CENPM: variants seen among roughly 807,000 people sequenced by gnomAD.
CENPM encodes the protein interphase centromere complex protein 39.
A neutral mutation model predicts 19.6 loss-of-function variants in CENPM; 14 were observed. That is an observed-to-expected ratio of 0.71 (90% CI 0.47 to 1.11). The LOEUF (loss-of-function observed/expected upper bound fraction) is 1.11. Among genes scored for constraint, CENPM ranks in the 50% most tolerant of loss-of-function variants. The pLI is 0.00. For synonymous variants in CENPM, 114 were observed against 101.5 expected, an observed-to-expected ratio of 1.12 and a Z score of -0.74; for missense variants, 239 against 228.4, an observed-to-expected ratio of 1.05 and a Z score of -0.30.
intron 3 of CENPM, 36 bp from the exon 4 acceptor site, chr22:41,945,340 G>C (rs2077787451): frequency 2.5e-6 from 4 of 1,613,100 alleles, no homozygotes; most frequent in Non-Finnish European, 3.4e-6. Context: ...AAACAAACCA[G>C]AGAACAAAAC....
At chr22:41,944,031 G>T in intron 4 of CENPM, 2 of 887,434 alleles carry the variant, frequency 2.3e-6, no homozygotes, top group Non-Finnish European at 2.7e-6. Context: ...CAGCTGGGAA[G>T]GCAGACAGGT....
At chr22:41,941,873 C>T (rs1010431522) in intron 5 of CENPM, among the ~76,000 whole-genome samples, 12 of 152,220 alleles carry the variant, frequency 7.9e-5, no homozygotes, top group Admixed American at 7.2e-4. Flanking sequence ...GGCCTAATGG[C>T]TGCTGCCACA....
chr22:41,944,580 G>C, intron 4 of CENPM: 2 of 810,810 alleles, frequency 2.5e-6, no homozygotes, highest in Non-Finnish European at 3.0e-6. Flanking sequence ...ACCTCCAATA[G>C]GAATATGAAA....
chr22:41,946,803 T>A, intron 1 of CENPM: 1 of 608,306 alleles, frequency 1.6e-6, no homozygotes, highest in East Asian at 2.8e-5. Context: ...AATCAGAAGC[T>A]GGGAAAGGGT....
chr22:41,937,875 G>A (rs996080895), downstream of CENPM, among the ~76,000 whole-genome samples: 26 of 151,840 alleles, frequency 1.7e-4, no homozygotes, highest in Non-Finnish European at 2.9e-5. Context: ...ACAGAGTCTC[G>A]CTCTGTCGCC....
chr22:41,946,292 G>C (rs1402326207), intron 2 of CENPM, 125 bp downstream of exon 2: 1 of 826,896 alleles, frequency 1.2e-6, no homozygotes, highest in Non-Finnish European at 2.0e-6. Flanking sequence ...AGCCAGCTAC[G>C]CTGCATGCTG....
At chr22:41,931,828 C>T in the CENPM span, among the ~76,000 whole-genome samples, 1 of 152,202 alleles carries the variant, frequency 6.6e-6, no homozygotes, top group Non-Finnish European at 1.5e-5. Context: ...GACAGAGAGG[C>T]CCAGTCCCCC....
chr22:41,929,194 G>C, the CENPM span, among the ~76,000 whole-genome samples: 1 of 152,204 alleles, frequency 6.6e-6, no homozygotes, highest in African/African-American at 2.4e-5. Context: ...CCAGGGCAGG[G>C]AAGGCCTCTC....
chr22:41,938,142 T>A (rs1157133727), downstream of CENPM, among the ~76,000 whole-genome samples: 1 of 15,356 alleles, frequency 6.5e-5, no homozygotes, highest in Non-Finnish European at 1.1e-4. Flanking sequence ...GCGCCCAGCA[T>A]TTTTTTTTTT....
the CENPM span, among the ~76,000 whole-genome samples, chr22:41,931,226 T>A: frequency 6.7e-6 from 1 of 150,320 alleles, no homozygotes; most frequent in Non-Finnish European, 1.5e-5. Flanking sequence ...CCCAACACTT[T>A]GGGAGACCGA....
Position 41,939,006 on chromosome 22 carries a change from T to G in CENPM, c.*50A>C. 1 of 1,602,622 alleles carries G rather than the reference T, an allele frequency of 6.2e-7. No homozygotes were observed. Among genetic ancestry groups the G allele is most frequent in the South Asian group, 1.1e-5 (1 of 90,004 alleles). On this transcript the variant is annotated 3_prime_UTR_variant, in exon 6 of 6. Coordinates refer to ENST00000215980, the MANE Select transcript of CENPM (RefSeq NM_024053.5). ...GGACATCCTCAACAGAGAATGTTTA[T>G]GGAGTCAGCACGAAGCCATGAGAAG... is the stretch of plus-strand genomic sequence containing the variant.
In CENPM at chr22:41,939,884, A is replaced by AAAAGAAAGAAAGAAAGAAAG. The variant is rs2077720625; in HGVS notation, c.403-689_403-688insCTTTCTTTCTTTCTTTCTTT. On this transcript the variant is annotated intron_variant, in intron 5 of 5. Transcript: ENST00000215980. ...AGAAAGAAAGAAAGAAAGAAAAAGA[A>AAAAGAAAGAAAGAAAGAAAG]AGAAAGAAAGAAAGAAAGAAAGAGC... Among the ~76,000 whole-genome samples the AAAAGAAAGAAAGAAAGAAAG allele has an allele frequency of 2.1e-5, 2 of 93,440 alleles. 1 individual carries two copies. The highest frequency in any genetic ancestry group is 1.3e-4 in the African/African-American group (2 of 15,792). The allele number at this position is 93,440 out of a possible 152,430, so 61.3% of individuals were successfully genotyped here.
At chr22:41,944,537 C>A (rs2077777571) in intron 4 of CENPM, 3 of 514,586 alleles carry the variant, frequency 5.8e-6, no homozygotes, top group Non-Finnish European at 7.5e-6. Flanking sequence ...GGCAACTTAA[C>A]CTCATGACTG....
downstream of CENPM, among the ~76,000 whole-genome samples, chr22:41,934,843 C>A (rs1424803421): frequency 2.0e-5 from 3 of 152,214 alleles, no homozygotes; most frequent in Non-Finnish European, 2.9e-5. Context: ...CTCCCATCTC[C>A]CTCCACCTTA....
At chr22:41,929,194 G>A in the CENPM span, among the ~76,000 whole-genome samples, 1 of 152,086 alleles carries the variant, frequency 6.6e-6, no homozygotes, top group Non-Finnish European at 1.5e-5. Context: ...CCAGGGCAGG[G>A]AAGGCCTCTC....
intron 5 of CENPM, 109 bp downstream of exon 5, chr22:41,943,501 G>A (rs1366645111): frequency 1.3e-5 from 12 of 902,462 alleles, no homozygotes; most frequent in Admixed American, 2.5e-5. Flanking sequence ...GAGCTGCCTC[G>A]CTCGGATACT....
chr22:41,943,028 T>G (rs979066118), intron 5 of CENPM, among the ~76,000 whole-genome samples: 3 of 152,120 alleles, frequency 2.0e-5, no homozygotes. Context: ...CAGGATCCAG[T>G]TGGGGCAGAA....
chr22:41,936,296 G>A (rs1164567444), downstream of CENPM, among the ~76,000 whole-genome samples: 1 of 152,208 alleles, frequency 6.6e-6, no homozygotes, highest in Non-Finnish European at 1.5e-5. Flanking sequence ...TCTGTTTCAT[G>A]AACTGTGAAT....
rs766128099 is a variant in CENPM, at chr22:41,945,945, G to A, written c.198C>T (p.Ile66=). 1.9e-6 allele frequency: 3 copies of A among 1,613,824 alleles called. No homozygotes were observed. Among genetic ancestry groups the A allele is most frequent in the Non-Finnish European group, 2.5e-6 (3 of 1,179,926 alleles). The change falls in exon 3 of 6, where the codon ATC becomes ATT. Residue 66 remains isoleucine (I), a synonymous_variant. Transcript: ENST00000215980. ...SSVNRPRIDL[I]VFVVNLHSKY... Reference sequence around the variant, plus strand: ...TGCTGTGAAGATTAACCACAAACACGATCAGGTCAATTCGGGGCCGATTCA... The same window carrying A: ...TGCTGTGAAGATTAACCACAAACACAATCAGGTCAATTCGGGGCCGATTCA...
Sources: gnomAD v4.1 joint callset for allele counts (sites outside exome capture counted in the v4.1 genomes callset) on GRCh38, gnomAD v4.1.1 for gene constraint, MANE v1.5 for transcripts, NCBI Gene and HGNC (gene_info 2026-07-23, HGNC 2026-07-21) for gene names.